Variants in ZC3H11A observed in about 807,000 individuals in gnomAD.
ZC3H11A encodes the protein zinc finger CCCH-type containing 11A, also known as zinc finger CCCH domain-containing protein 11A.
In ZC3H11A, 22 loss-of-function variants were observed where a neutral mutation model predicts 90.8. That is an observed-to-expected ratio of 0.24 (90% CI 0.17 to 0.35). ZC3H11A has a LOEUF of 0.35. Among genes scored for constraint, ZC3H11A ranks in the 10% least tolerant of loss-of-function variants. The probability of loss-of-function intolerance (pLI) is 1.00; values close to 1 mark genes in which losing one functional copy is unlikely to be tolerated. For missense variants in ZC3H11A, 701 were observed against 964.9 expected (o/e 0.73, Z 3.62); for synonymous variants, 294 against 339.8 (o/e 0.87, Z 1.48).
chr1:203,836,107 G>T (rs1254901234), intron 10 of ZC3H11A, among the ~76,000 whole-genome samples: 2 of 152,184 alleles, frequency 1.3e-5, no homozygotes, highest in African/African-American at 4.8e-5. Flanking sequence ...ACTAAGCCAG[G>T]TATGGTGGTG....
intron 10 of ZC3H11A, among the ~76,000 whole-genome samples, chr1:203,834,802 CT>C (rs1184026291): frequency 4.6e-5 from 7 of 152,134 alleles, no homozygotes; most frequent in Admixed American, 4.6e-4. Context: ...GGCACTACCC[CT>C]GGCTAATTTT....
chr1:203,826,326 C>T (rs1185039700), intron 4 of ZC3H11A, among the ~76,000 whole-genome samples: 2 of 150,902 alleles, frequency 1.3e-5, no homozygotes, highest in Non-Finnish European at 3.0e-5. Flanking sequence ...AAATATTATA[C>T]TTTTAGAAAA....
chr1:203,819,024 G>A (rs893362126), intron 4 of ZC3H11A, among the ~76,000 whole-genome samples: 2 of 149,182 alleles, frequency 1.3e-5, no homozygotes, highest in Non-Finnish European at 3.0e-5. Flanking sequence ...AGCTGAGATC[G>A]CACCACTGCA....
chr1:203,806,879 A>G (rs561473495), intron 2 of ZC3H11A, among the ~76,000 whole-genome samples: 2 of 131,288 alleles, frequency 1.5e-5, no homozygotes, highest in South Asian at 4.9e-4. Context: ...TACTTCAAGT[A>G]CTTTTCTTCA....
chr1:203,815,726 A>G (rs1234917941), intron 2 of ZC3H11A, among the ~76,000 whole-genome samples: 2 of 152,210 alleles, frequency 1.3e-5, no homozygotes, highest in Non-Finnish European at 2.9e-5. Context: ...ATGGCATACC[A>G]TTCTTGCATT....
At chr1:203,841,589 T>C (rs891196875) in intron 12 of ZC3H11A, among the ~76,000 whole-genome samples, 2 of 152,246 alleles carry the variant, frequency 1.3e-5, no homozygotes, top group African/African-American at 2.4e-5. Flanking sequence ...TGATCTCTCT[T>C]TCTTTTCCCC....
At chr1:203,849,217 T>G (rs1688697280) in intron 14 of ZC3H11A, among the ~76,000 whole-genome samples, 1 of 152,204 alleles carries the variant, frequency 6.6e-6, no homozygotes, top group Admixed American at 6.5e-5. Flanking sequence ...TATGCATGCA[T>G]GTGAATTTGT....
At chr1:203,841,363 G>A (rs1322391438) in intron 12 of ZC3H11A, among the ~76,000 whole-genome samples, 1 of 152,038 alleles carries the variant, frequency 6.6e-6, no homozygotes, top group Non-Finnish European at 1.5e-5. Context: ...GACTCTTAAC[G>A]AGCATGCTGC....
chr1:203,797,869 A>G (rs1669143345), intron 1 of ZC3H11A: 2 of 1,536,000 alleles, frequency 1.3e-6, no homozygotes, highest in Admixed American at 2.0e-5. Context: ...AGTCTTTTTG[A>G]GAGCAATATA....
intron 4 of ZC3H11A, among the ~76,000 whole-genome samples, chr1:203,819,234 T>A (rs555355543): frequency 6.6e-6 from 1 of 150,654 alleles, no homozygotes; most frequent in South Asian, 2.1e-4. Context: ...TTATTTTTTT[T>A]TTTTTGAAAC....
chr1:203,850,712 A>T, intron 16 of ZC3H11A, 31 bp downstream of exon 16: 1 of 1,602,710 alleles, frequency 6.2e-7, no homozygotes, highest in Non-Finnish European at 8.5e-7. Context: ...GTGGTGCTTT[A>T]TTCTGTGTGG....
intron 14 of ZC3H11A, among the ~76,000 whole-genome samples, chr1:203,849,146 A>G (rs532129125): frequency 3.3e-5 from 5 of 152,258 alleles, no homozygotes; most frequent in East Asian, 1.9e-4. Context: ...TGGCCTCCCA[A>G]CGTGTTGGGA....
intron 1 of ZC3H11A, chr1:203,799,641 G>A (rs1223861876): frequency 4.8e-5 from 34 of 703,332 alleles, no homozygotes; most frequent in South Asian, 1.8e-4. Flanking sequence ...CGTGAAGACC[G>A]CAGGATTGAA....
chr1:203,843,944 G>A (rs1283185936), intron 12 of ZC3H11A, among the ~76,000 whole-genome samples: 3 of 151,480 alleles, frequency 2.0e-5, no homozygotes, highest in Admixed American at 6.6e-5. Flanking sequence ...TGCAACCTCT[G>A]CCTCCCAGGT....
intron 1 of ZC3H11A, chr1:203,798,434 A>G: frequency 6.5e-7 from 1 of 1,535,544 alleles, no homozygotes; most frequent in Non-Finnish European, 8.7e-7. Context: ...TAGGGACTTC[A>G]ACACTTCAAC....
chr1:203,816,815 A>G lies in ZC3H11A; in HGVS notation c.-145-111A>G, dbSNP rs1676539928. 4 of 406,894 alleles carry G rather than the reference A, an allele frequency of 9.8e-6. No individual in the cohort carries two copies. In the East Asian group the frequency reaches 1.2e-4, roughly 13 times the overall value. 25.2% of individuals were successfully genotyped at this position (406,894 alleles called of 1,614,324 possible). ...TGTGTTTACAAGGCTCTGTATAAGC[A>G]AGGTCGTATTAATAAAATTTGACTC... On this transcript the variant is annotated intron_variant, in intron 2 of 17. Coordinates refer to ENST00000367210, the MANE Select transcript of ZC3H11A (RefSeq NM_001376342.1).
chr1:203,830,925 A>ATTTTT lies in ZC3H11A; in HGVS notation c.701-702_701-698dup, dbSNP rs774771270. 9.9e-4 allele frequency among the ~76,000 whole-genome samples: 51 copies of ATTTTT among 51,374 alleles called. 2 individuals carry two copies. The highest frequency in any genetic ancestry group is 2.5e-3 in the African/African-American group (35 of 14,080). The allele number at this position is 51,374 out of a possible 152,430, so 33.7% of individuals were successfully genotyped here. ...GATTGCTCTGTATTTCCAACCCCCAATTTTTTTTTTTTTTTTTTTTTTTTT... is the reference window on the plus strand; with the variant it reads ...GATTGCTCTGTATTTCCAACCCCCAATTTTTTTTTTTTTTTTTTTTTTTTTTTTTT... On this transcript the variant is annotated intron_variant, in intron 8 of 17. Coordinates refer to ENST00000367210, the MANE Select transcript of ZC3H11A (RefSeq NM_001376342.1).
Position 203,849,828 on chromosome 1 carries a change from C to A in ZC3H11A, c.1741C>A (p.Leu581Ile). The change falls in exon 15 of 18, where the codon CTT becomes ATT. Residue 581 changes from leucine (L) to isoleucine (I), a missense_variant. By Grantham distance (5) the Leu-to-Ile change is conservative. Transcript: ENST00000367210. ...GAGGGAAAAATCAGTCTTGACACCTCTTCGGGGAGATGTAGCCTCTTGCAA... is the reference window on the plus strand; with the variant it reads ...GAGGGAAAAATCAGTCTTGACACCTATTCGGGGAGATGTAGCCTCTTGCAA... Reference protein sequence around the residue: ...QEREKSVLTPLRGDVASCNTQ... With the variant: ...QEREKSVLTPIRGDVASCNTQ... 1 of 1,614,002 alleles carries A rather than the reference C, an allele frequency of 6.2e-7. No homozygotes were observed. The highest frequency in any genetic ancestry group is 8.5e-7 in the Non-Finnish European group (1 of 1,179,974).
intron 1 of ZC3H11A, chr1:203,797,473 T>TA (rs1668932593): frequency 7.0e-7 from 1 of 1,437,336 alleles, no homozygotes; most frequent in Non-Finnish European, 9.1e-7. Flanking sequence ...TCTGCTTGAG[T>TA]AATAAACCCA....
Sources: allele counts gnomAD v4.1 joint callset (sites outside exome capture counted in the v4.1 genomes callset), GRCh38; gene constraint gnomAD v4.1.1; transcripts MANE v1.5; gene names NCBI Gene and HGNC (gene_info 2026-07-23, HGNC 2026-07-21).